The following ZNF100 variants were observed in gnomAD, a reference collection of about 807,000 sequenced individuals.
The protein encoded by ZNF100 is zinc finger protein 100 (Y1).
In ZNF100, 12 loss-of-function variants were observed where a neutral mutation model predicts 15.8. That is an observed-to-expected ratio of 0.76 (90% CI 0.49 to 1.23). The LOEUF is 1.23. Ranked by LOEUF, ZNF100 falls within the 50% of genes most tolerant of loss-of-function variation. The pLI is 0.00. For synonymous variants in ZNF100, 226 were observed against 214.8 expected, an observed-to-expected ratio of 1.05 and a Z score of -0.45; for missense variants, 670 against 635.6, an observed-to-expected ratio of 1.05 and a Z score of -0.58.
At chr19:21,743,786 C>A (rs1480559017) in intron 4 of ZNF100, among the ~76,000 whole-genome samples, 1 of 142,802 alleles carries the variant, frequency 7.0e-6, no homozygotes, top group East Asian at 2.1e-4. Context: ...AGGAAGATCA[C>A]CAAAAGGAAA....
intron 2 of ZNF100, among the ~76,000 whole-genome samples, chr19:21,750,099 C>T (rs2036277111): frequency 6.6e-6 from 1 of 152,180 alleles, no homozygotes; most frequent in Admixed American, 6.5e-5. Context: ...CTGGGCCAAG[C>T]TTGAGGACTG....
Position 21,727,782 on chromosome 19 carries a change from AAT to A in ZNF100, c.528_529del (p.Phe177SerfsTer3), listed in dbSNP as rs2035837643. On this transcript the variant is annotated frameshift_variant, in exon 5 of 5. Transcript: ENST00000358296. LOFTEE classifies it low-confidence loss of function (END_TRUNC). ...GACTTTTGCAGATGGATCACATTGAAATATGTTGCTCTGGGTAGTTATCAAAC... is the reference window on the plus strand; with the variant it reads ...GACTTTTGCAGATGGATCACATTGAAATGTTGCTCTGGGTAGTTATCAAAC... 9 of 1,613,868 alleles carry A rather than the reference AAT, an allele frequency of 5.6e-6. No homozygotes were observed. In the Admixed American group the frequency reaches 1.5e-4, roughly 27 times the overall value.
intron 2 of ZNF100, among the ~76,000 whole-genome samples, chr19:21,746,591 G>C (rs1274956794): frequency 1.3e-5 from 2 of 152,080 alleles, no homozygotes; most frequent in Non-Finnish European, 2.9e-5. Flanking sequence ...ATTCATGGTA[G>C]GAATTCTGCA....
chr19:21,756,980 G>A (rs759161692), intron 2 of ZNF100, among the ~76,000 whole-genome samples: 2 of 152,196 alleles, frequency 1.3e-5, no homozygotes, highest in African/African-American at 2.4e-5. Context: ...CAAGAGGAAT[G>A]AGGAAATAAT....
intron 4 of ZNF100, among the ~76,000 whole-genome samples, chr19:21,734,929 C>A (rs1480312669): frequency 6.6e-6 from 1 of 152,122 alleles, no homozygotes; most frequent in Non-Finnish European, 1.5e-5. Flanking sequence ...AAATGAATTT[C>A]TAACCCAGAA....
intron 2 of ZNF100, chr19:21,750,591 G>GA (rs1039683305): frequency 6.1e-6 from 1 of 162,804 alleles, no homozygotes; most frequent in African/African-American, 2.4e-5. Flanking sequence ...GAACGAAAGA[G>GA]AAAAACACAT....
In ZNF100 at chr19:21,731,056, C is replaced by G. The variant is rs560408123; in HGVS notation, c.323-3067G>C. On this transcript the variant is annotated intron_variant, in intron 4 of 4. Transcript: ENST00000358296. Reference sequence around the variant, plus strand: ...AAAATGTCAAGAGACAATAAAGTACCCAAGAGTCTTCAAAAAAAAGAAAAT... The same window carrying G: ...AAAATGTCAAGAGACAATAAAGTACGCAAGAGTCTTCAAAAAAAAGAAAAT... 1.2e-3 allele frequency among the ~76,000 whole-genome samples: 187 copies of G among 150,760 alleles called. 2 individuals are homozygous for G. In the South Asian group the frequency reaches 0.025, roughly 21 times the overall value.
rs1486851466 is a variant in ZNF100 at position 21,725,516 on chromosome 19, T to A, written c.*1167A>T. On this transcript the variant is annotated 3_prime_UTR_variant, in exon 5 of 5. Coordinates refer to ENST00000358296, the MANE Select transcript of ZNF100 (RefSeq NM_173531.4). ...TCATACATCTCATATTTTAATGTCT[T>A]TTTCATAGCAAAGTTTATAAATAAT... The A allele has an allele frequency of 3.9e-5, 6 of 152,160 alleles. No homozygotes were observed. Among genetic ancestry groups the A allele is most frequent in the Non-Finnish European group, 7.4e-5 (5 of 68,006 alleles). The allele number at this position is 152,160 out of a possible 1,614,324, so 9.4% of individuals were successfully genotyped here.
rs1160276778 is a variant in ZNF100, at chr19:21,725,767, ATTTTAG to A, written c.*910_*915del. 4 of 152,252 alleles carry A rather than the reference ATTTTAG, an allele frequency of 2.6e-5. No homozygotes were observed. The highest frequency in any genetic ancestry group is 7.2e-5 in the African/African-American group (3 of 41,572). 9.4% of individuals were successfully genotyped at this position (152,252 alleles called of 1,614,324 possible). On this transcript the variant is annotated 3_prime_UTR_variant, in exon 5 of 5. Transcript: ENST00000358296. ...AAAGTTATATACAAATATTTTACCAATTTTAGTTTTAGATTATTTTCTATACTCAGC... is the reference window on the plus strand; with the variant it reads ...AAAGTTATATACAAATATTTTACCAATTTTAGATTATTTTCTATACTCAGC...
chr19:21,733,037 A>G (rs2035945697), intron 4 of ZNF100, among the ~76,000 whole-genome samples: 1 of 152,184 alleles, frequency 6.6e-6, no homozygotes, highest in Non-Finnish European at 1.5e-5. Flanking sequence ...GATCAGCCAG[A>G]GAAACATAGT....
At position 21,725,659 on chromosome 19, in the gene ZNF100, A is replaced by C. The variant is rs1316272551; in HGVS notation, c.*1024T>G. On this transcript the variant is annotated 3_prime_UTR_variant, in exon 5 of 5. Coordinates refer to ENST00000358296, the MANE Select transcript of ZNF100 (RefSeq NM_173531.4). Reference sequence around the variant, plus strand: ...AATAATTTAAGAGTTGAATTACATTATTACTCACTTTTCAAAAAATCTAAT... The same window carrying C: ...AATAATTTAAGAGTTGAATTACATTCTTACTCACTTTTCAAAAAATCTAAT... 2 of 152,146 alleles carry C rather than the reference A, an allele frequency of 1.3e-5. No individual in the cohort carries two copies. The highest frequency in any genetic ancestry group is 2.9e-5 in the Non-Finnish European group (2 of 67,998). 9.4% of individuals were successfully genotyped at this position (152,146 alleles called of 1,614,324 possible). A position where few individuals can be genotyped will look rare whatever the true frequency, so the allele number is the denominator to read the frequency against.
intron 2 of ZNF100, chr19:21,753,117 G>A (rs1415202605): frequency 6.6e-6 from 1 of 152,180 alleles, no homozygotes; most frequent in Non-Finnish European, 1.5e-5. Context: ...TGGGTGTGGT[G>A]GTGCACACCT....
chr19:21,764,644 A>G (rs996657887), intron 2 of ZNF100, among the ~76,000 whole-genome samples: 4 of 147,622 alleles, frequency 2.7e-5, no homozygotes, highest in South Asian at 4.2e-4. Flanking sequence ...CGTGTGGGGA[A>G]AAAAAAAAAA....
At chr19:21,756,026 C>T (rs2036388341) in intron 2 of ZNF100, among the ~76,000 whole-genome samples, 1 of 152,124 alleles carries the variant, frequency 6.6e-6, no homozygotes, top group Non-Finnish European at 1.5e-5. Flanking sequence ...CCTGCATGTT[C>T]TGCAAGTGTA....
At position 21,736,321 on chromosome 19, in the gene ZNF100, G is replaced by A. The variant is rs183725898; in HGVS notation, c.322+7696C>T. On this transcript the variant is annotated intron_variant, in intron 4 of 4. Coordinates refer to ENST00000358296, the MANE Select transcript of ZNF100 (RefSeq NM_173531.4). The stretch of plus-strand genomic sequence containing the variant: ...GCTGGTCTCAAACTCCTGACCTCAG[G>A]GGATCTGCCTGCCTTGGCCTCCCAA... 6.6e-5 allele frequency among the ~76,000 whole-genome samples: 10 copies of A among 151,600 alleles called. No homozygotes were observed. The East Asian group carries it at 2.0e-3, about 30-fold the overall frequency.
intron 2 of ZNF100, among the ~76,000 whole-genome samples, chr19:21,763,404 AC>A (rs2036511805): frequency 6.6e-6 from 1 of 152,172 alleles, no homozygotes; most frequent in Non-Finnish European, 1.5e-5. Flanking sequence ...ATCCTGGCTA[AC>A]ATGGTGAAAC....
At chr19:21,729,216 C>T (rs2035869861) in intron 4 of ZNF100, among the ~76,000 whole-genome samples, 1 of 152,026 alleles carries the variant, frequency 6.6e-6, no homozygotes, top group Non-Finnish European at 1.5e-5. Context: ...AGTCAAACTC[C>T]TGTAAAATAC....
At chr19:21,765,559 T>C (rs1470087672) in intron 2 of ZNF100, 135 bp downstream of exon 2, 1 of 746,732 alleles carries the variant, frequency 1.3e-6, no homozygotes, top group African/African-American at 1.7e-5. Flanking sequence ...TCTGCCCCCC[T>C]TAGATGATCC....
At chr19:21,755,303 G>A (rs1322078889) in intron 2 of ZNF100, among the ~76,000 whole-genome samples, 2 of 137,746 alleles carry the variant, frequency 1.5e-5, no homozygotes, top group Admixed American at 1.6e-4. Context: ...GTGAAAGTCC[G>A]TCTCAAGAAA....
Sources: allele counts gnomAD v4.1 joint callset (sites outside exome capture counted in the v4.1 genomes callset), GRCh38; gene constraint gnomAD v4.1.1; transcripts MANE v1.5; gene names NCBI Gene and HGNC (gene_info 2026-07-23, HGNC 2026-07-21).